DENND1A: variants seen among roughly 807,000 people sequenced by gnomAD.
DENND1A encodes the protein DENN domain containing 1A.
DENND1A carries 51 observed loss-of-function variants against 113.7 expected under a neutral mutation model. The observed-to-expected ratio is 0.45, with a 90% confidence interval of 0.36 to 0.57. The LOEUF (loss-of-function observed/expected upper bound fraction) is 0.57. DENND1A is among the 20% of genes least tolerant of loss of function. The probability of loss-of-function intolerance (pLI) is 0.00; values close to 1 mark genes in which losing one functional copy is unlikely to be tolerated. For synonymous variants in DENND1A, 565 were observed against 570.8 expected (o/e 0.99, Z 0.14); for missense variants, 1,258 against 1,395.9 (o/e 0.90, Z 1.57).
At chr9:123,894,027 C>A (rs1850333407) in intron 1 of DENND1A, among the ~76,000 whole-genome samples, 1 of 152,162 alleles carries the variant, frequency 6.6e-6, no homozygotes, top group Admixed American at 6.5e-5. Flanking sequence ...GGTTTCAAAG[C>A]CCTGTTATAA....
intron 2 of DENND1A, among the ~76,000 whole-genome samples, chr9:123,867,687 T>G (rs1018965918): frequency 1.4e-4 from 22 of 152,276 alleles, no homozygotes; most frequent in African/African-American, 4.8e-4. Flanking sequence ...TCTCAGGCTA[T>G]AGGATCCAGG....
At chr9:123,895,783 G>T (rs1425984124) in intron 1 of DENND1A, among the ~76,000 whole-genome samples, 2 of 152,162 alleles carry the variant, frequency 1.3e-5, no homozygotes, top group Admixed American at 1.3e-4. Context: ...AGGGGCTCAA[G>T]GAATTCAAGA....
intron 8 of DENND1A, among the ~76,000 whole-genome samples, chr9:123,665,851 A>G (rs1396424670): frequency 6.6e-6 from 1 of 152,256 alleles, no homozygotes; most frequent in Non-Finnish European, 1.5e-5. Context: ...GTCTACACCT[A>G]CAATGGAATA....
intron 13 of DENND1A, among the ~76,000 whole-genome samples, chr9:123,496,611 C>G (rs941323522): frequency 1.3e-5 from 2 of 152,240 alleles, no homozygotes; most frequent in African/African-American, 4.8e-5. Context: ...TTCTGCTGGA[C>G]TGGGAAGGCA....
chr9:123,732,447 T>C (rs966488516), intron 5 of DENND1A, among the ~76,000 whole-genome samples: 1 of 152,178 alleles, frequency 6.6e-6, no homozygotes, highest in Non-Finnish European at 1.5e-5. Flanking sequence ...CAAAAGGTAA[T>C]ACCATATGAT....
At chr9:123,512,798 G>A (rs1331182387) in intron 13 of DENND1A, among the ~76,000 whole-genome samples, 1 of 152,240 alleles carries the variant, frequency 6.6e-6, no homozygotes, top group Non-Finnish European at 1.5e-5. Context: ...CAGCTTTGCT[G>A]GTAATGGTTG....
At position 123,403,463 on chromosome 9, in the gene DENND1A, T is replaced by C; in HGVS notation, c.1570A>G (p.Lys524Glu). The C allele has an allele frequency of 6.2e-7, 1 of 1,614,148 alleles. No individual in the cohort carries two copies. The highest frequency in any genetic ancestry group is 8.5e-7 in the Non-Finnish European group (1 of 1,180,008). Residue 524 changes from lysine (K) to glutamate (E), a missense_variant, in exon 21 of 24, where the codon AAG becomes GAG. Transcript: ENST00000394215. ...PVRPPRPHVV[K>E]RPKSNIAVEG... ...ACTGCGATGTTGCTCTTTGGTCTCTTAACAACATGTGGACGAGGTGGGCGC... is the reference window on the plus strand; with the variant it reads ...ACTGCGATGTTGCTCTTTGGTCTCTCAACAACATGTGGACGAGGTGGGCGC...
intron 5 of DENND1A, among the ~76,000 whole-genome samples, chr9:123,756,101 C>G (rs1004555257): frequency 6.6e-6 from 1 of 152,122 alleles, no homozygotes; most frequent in Non-Finnish European, 1.5e-5. Context: ...TAGTTAGAGA[C>G]AGGTTTCTCC....
intron 5 of DENND1A, among the ~76,000 whole-genome samples, chr9:123,703,702 A>G (rs1217940800): frequency 6.6e-6 from 1 of 152,166 alleles, no homozygotes; most frequent in Non-Finnish European, 1.5e-5. Context: ...AAGAAGCTAG[A>G]CACAAAGGAG....
chr9:123,547,069 C>T (rs1480597263), intron 13 of DENND1A, among the ~76,000 whole-genome samples: 1 of 152,194 alleles, frequency 6.6e-6, no homozygotes, highest in Non-Finnish European at 1.5e-5. Flanking sequence ...TTGTGTGACT[C>T]CAAGGTAACA....
intron 5 of DENND1A, among the ~76,000 whole-genome samples, chr9:123,718,071 T>C (rs1490077566): frequency 1.3e-5 from 2 of 152,194 alleles, no homozygotes; most frequent in Non-Finnish European, 2.9e-5. Flanking sequence ...GTCAGCAAAT[T>C]GGGAAATGGC....
At chr9:123,494,971 T>C (rs1389874570) in intron 13 of DENND1A, among the ~76,000 whole-genome samples, 1 of 152,154 alleles carries the variant, frequency 6.6e-6, no homozygotes, top group Non-Finnish European at 1.5e-5. Flanking sequence ...TTTGTATTTT[T>C]AGTAGAGACG....
At chr9:123,787,676 T>G (rs10986105) in intron 3 of DENND1A, among the ~76,000 whole-genome samples, 10,426 of 152,188 alleles carry the variant, frequency 0.069, 482 homozygotes, top group African/African-American at 0.13. Flanking sequence ...ATGCAACATA[T>G]TTTTGTTCCT....
At chr9:123,630,236 G>A (rs2061418490) in intron 10 of DENND1A, 140 bp downstream of exon 10, 2 of 164,768 alleles carry the variant, frequency 1.2e-5, no homozygotes, top group Admixed American at 7.8e-5. Context: ...TGTACAGATG[G>A]ATTCTCACTA....
intron 1 of DENND1A, among the ~76,000 whole-genome samples, chr9:123,925,907 C>T (rs181797118): frequency 1.1e-4 from 16 of 152,314 alleles, no homozygotes; most frequent in Admixed American, 9.8e-4. Context: ...TTCAAACTCA[C>T]TTAGAAAACT....
chr9:123,441,977 A>G (rs755972216), intron 18 of DENND1A, among the ~76,000 whole-genome samples: 11 of 152,236 alleles, frequency 7.2e-5, no homozygotes, highest in Non-Finnish European at 1.0e-4. Context: ...AGAAACATAT[A>G]TACATCTCTA....
chr9:123,805,978 G>T (rs765882415), intron 2 of DENND1A, among the ~76,000 whole-genome samples: 1 of 152,110 alleles, frequency 6.6e-6, no homozygotes, highest in African/African-American at 2.4e-5. Flanking sequence ...TTTTCAGATG[G>T]AGTCTCGCTC....
chr9:123,598,966 T>C (rs997842056), intron 11 of DENND1A, among the ~76,000 whole-genome samples: 1 of 152,174 alleles, frequency 6.6e-6, no homozygotes, highest in Non-Finnish European at 1.5e-5. Flanking sequence ...TTTGGGTTTA[T>C]GGAGGGAAGG....
At chr9:123,919,891 A>AC (rs978815002) in intron 1 of DENND1A, among the ~76,000 whole-genome samples, 1 of 151,578 alleles carries the variant, frequency 6.6e-6, no homozygotes, top group African/African-American at 2.4e-5. Context: ...CAGAAAAAAA[A>AC]AAAAAAAAAA....
Sources: allele counts gnomAD v4.1 joint callset (sites outside exome capture counted in the v4.1 genomes callset), GRCh38; gene constraint gnomAD v4.1.1; transcripts MANE v1.5; gene names NCBI Gene and HGNC (gene_info 2026-07-23, HGNC 2026-07-21).